MRTFA: variants seen among roughly 807,000 people sequenced by gnomAD.
MRTFA encodes the protein myocardin-related transcription factor A.
A neutral mutation model predicts 83.5 loss-of-function variants in MRTFA; 20 were observed. That is an observed-to-expected ratio of 0.24 (90% CI 0.17 to 0.35). The LOEUF is 0.35. MRTFA is among the 10% of genes least tolerant of loss of function. MRTFA has a pLI of 1.00. For synonymous variants in MRTFA, 659 were observed against 541.2 expected (o/e 1.22, Z -3.02); for missense variants, 1,200 against 1,224.7 (o/e 0.98, Z 0.30).
intron 4 of MRTFA, among the ~76,000 whole-genome samples, chr22:40,457,579 A>G (rs1186822841): frequency 6.6e-6 from 1 of 152,070 alleles, no homozygotes; most frequent in Admixed American, 6.6e-5. Flanking sequence ...GGCACTTTTA[A>G]GAAGAAATTT....
chr22:40,557,194 G>A (rs2072635120), intron 2 of MRTFA, among the ~76,000 whole-genome samples: 2 of 152,198 alleles, frequency 1.3e-5, no homozygotes, highest in Non-Finnish European at 2.9e-5. Flanking sequence ...AGGGAACCAC[G>A]ACAGACATGT....
At chr22:40,462,283 G>C (rs992846397) in intron 4 of MRTFA, among the ~76,000 whole-genome samples, 2 of 152,152 alleles carry the variant, frequency 1.3e-5, no homozygotes, top group African/African-American at 4.8e-5. Flanking sequence ...GCAAGAGCTG[G>C]ATTTATCTTG....
chr22:40,460,949 A>C (rs1332757831), intron 4 of MRTFA, among the ~76,000 whole-genome samples: 2 of 152,166 alleles, frequency 1.3e-5, no homozygotes, highest in Non-Finnish European at 2.9e-5. Flanking sequence ...CTGTAATCCC[A>C]GCACTTTGGG....
chr22:40,418,707 C>G lies in MRTFA; in HGVS notation c.2031G>C (p.Gln677His). The G allele has an allele frequency of 1.6e-6, 2 of 1,282,810 alleles. No homozygotes were observed. The highest frequency in any genetic ancestry group is 3.4e-5 in the African/African-American group (2 of 59,290). The allele number at this position is 1,282,810 out of a possible 1,614,324, so 79.5% of individuals were successfully genotyped here. ...GCTGGCAGCTGGAGAAGCTGTTCTC[C>G]TGCTTCACGGGGGTGCCGAGGGGGG... The change falls in exon 12 of 15, where the codon CAG (glutamine) becomes CAC (histidine). Residue 677 changes from glutamine to histidine, a missense_variant. Physicochemically the swap from Gln to His is conservative, Grantham distance 24 (BLOSUM62 0). This residue lies in a region of MRTFA where 1,107 missense variants were observed against 1,041.8 expected (regional missense o/e 1.06). Transcript: ENST00000355630.
chr22:40,463,296 A>C lies in MRTFA; in HGVS notation c.242-10T>G, dbSNP rs2053747654. 5.6e-6 allele frequency: 9 copies of C among 1,613,294 alleles called. No homozygotes were observed. The highest frequency in any genetic ancestry group is 7.6e-6 in the Non-Finnish European group (9 of 1,179,452). ...AGTTTCAACTGTAGCACTGCAGGGCAGCAGAGAGAGAGGAGAGATGAGGGG... is the reference window on the plus strand; with the variant it reads ...AGTTTCAACTGTAGCACTGCAGGGCCGCAGAGAGAGAGGAGAGATGAGGGG... On this transcript the variant is annotated splice_polypyrimidine_tract_variant and intron_variant, in intron 3 of 14. Coordinates refer to ENST00000355630, the MANE Select transcript of MRTFA (RefSeq NM_020831.6).
At chr22:40,615,259 T>G (rs768001117) in intron 1 of MRTFA, among the ~76,000 whole-genome samples, 5 of 152,250 alleles carry the variant, frequency 3.3e-5, no homozygotes, top group Non-Finnish European at 7.3e-5. Flanking sequence ...TACTTTCCCC[T>G]TCTGAATTAT....
rs374883703 is a variant in MRTFA at position 40,420,548 on chromosome 22, C to T, written c.1210G>A (p.Gly404Arg). Residue 404 changes from glycine (G) to arginine (R), a missense_variant, in exon 11 of 15, where the codon GGG (glycine) becomes AGG (arginine). Transcript: ENST00000355630. ...GAGAGGCTGCGTACTGGGGGGGTCC[C>T]GCTGCTTCCCAGGGCCTCGCCTGCT... The T allele has an allele frequency of 6.2e-6, 10 of 1,613,422 alleles. No individual in the cohort carries two copies. The highest frequency in any genetic ancestry group is 1.7e-4 in the Middle Eastern group (1 of 6,020).
At chr22:40,466,187 AT>A (rs2053810219) in intron 3 of MRTFA, among the ~76,000 whole-genome samples, 1 of 152,240 alleles carries the variant, frequency 6.6e-6, no homozygotes. Flanking sequence ...TAGGAAGTTG[AT>A]TTCAGAAAAA....
intron 2 of MRTFA, among the ~76,000 whole-genome samples, chr22:40,553,831 G>A (rs1287367485): frequency 6.6e-6 from 1 of 152,164 alleles, no homozygotes; most frequent in East Asian, 1.9e-4. Flanking sequence ...ACCTGGAAAA[G>A]CTGTAGACAC....
chr22:40,587,175 G>A (rs1352912098), intron 2 of MRTFA: 2 of 458,150 alleles, frequency 4.4e-6, no homozygotes, highest in Non-Finnish European at 4.4e-6. Context: ...TCTTGTGCAT[G>A]CAAAGATTGC....
At chr22:40,610,144 T>C (rs2056370621) in intron 1 of MRTFA, among the ~76,000 whole-genome samples, 1 of 150,990 alleles carries the variant, frequency 6.6e-6, no homozygotes, top group African/African-American at 2.4e-5. Flanking sequence ...CCTCCTGGGT[T>C]CAGACGATTC....
chr22:40,531,471 T>C (rs762681743), intron 3 of MRTFA, among the ~76,000 whole-genome samples: 1 of 152,020 alleles, frequency 6.6e-6, no homozygotes, highest in Non-Finnish European at 1.5e-5. Flanking sequence ...TGTTCATAAA[T>C]ATAAAACATA....
In MRTFA at chr22:40,492,086, T is replaced by C. The variant is rs551908442; in HGVS notation, c.242-28800A>G. 1.7e-3 allele frequency among the ~76,000 whole-genome samples: 258 copies of C among 152,238 alleles called. 2 individuals are homozygous for C. The highest frequency in any genetic ancestry group is 2.7e-3 in the Admixed American group (42 of 15,296). On this transcript the variant is annotated intron_variant, in intron 3 of 14. Transcript: ENST00000355630. Reference sequence around the variant, plus strand: ...CACGAGAGTGGCAGAATCCTGCAGGTGGACTGATGAATCTTGGCCTTCTCC... The same window carrying C: ...CACGAGAGTGGCAGAATCCTGCAGGCGGACTGATGAATCTTGGCCTTCTCC...
intron 2 of MRTFA, chr22:40,587,213 C>G: frequency 2.1e-6 from 1 of 468,572 alleles, no homozygotes; most frequent in Non-Finnish European, 4.3e-6. Flanking sequence ...CAGCTTTACA[C>G]CAAGTGCCAC....
intron 3 of MRTFA, among the ~76,000 whole-genome samples, chr22:40,544,843 A>G (rs892967686): frequency 6.6e-6 from 1 of 152,112 alleles, no homozygotes; most frequent in Non-Finnish European, 1.5e-5. Context: ...AGGGTGAGGC[A>G]GGAGGAATAT....
At chr22:40,585,858 A>C (rs1569340324) in intron 2 of MRTFA, among the ~76,000 whole-genome samples, 1 of 152,222 alleles carries the variant, frequency 6.6e-6, no homozygotes, top group Admixed American at 6.5e-5. Context: ...ATCCTAACAC[A>C]GTATTTTTAA....
intron 2 of MRTFA, among the ~76,000 whole-genome samples, chr22:40,568,421 C>T (rs1402025414): frequency 6.6e-6 from 1 of 152,208 alleles, no homozygotes; most frequent in Non-Finnish European, 1.5e-5. Context: ...GGCAGAACCT[C>T]TGGAAATACA....
At chr22:40,510,558 TTTAC>T (rs1342497039) in intron 3 of MRTFA, among the ~76,000 whole-genome samples, 1 of 152,134 alleles carries the variant, frequency 6.6e-6, no homozygotes, top group African/African-American at 2.4e-5. Context: ...TGTACAGTGC[TTTAC>T]TTCTCAAAGT....
At chr22:40,471,122 C>T (rs1426445612) in intron 3 of MRTFA, among the ~76,000 whole-genome samples, 1 of 150,492 alleles carries the variant, frequency 6.6e-6, no homozygotes, top group Non-Finnish European at 1.5e-5. Flanking sequence ...TAGCTCACAC[C>T]TGTGATCCCA....
Sources: gnomAD v4.1 joint callset for allele counts (sites outside exome capture counted in the v4.1 genomes callset) on GRCh38, gnomAD v4.1.1 for gene constraint, gnomAD v4.1.1 regional missense constraint, MANE v1.5 for transcripts, NCBI Gene and HGNC (gene_info 2026-07-23, HGNC 2026-07-21) for gene names.